The following ATP9B variants were observed in gnomAD, a reference collection of about 807,000 sequenced individuals.
ATP9B encodes ATPase phospholipid transporting 9B.
A neutral mutation model predicts 146.1 loss-of-function variants in ATP9B; 110 were observed. That is an observed-to-expected ratio of 0.75 (90% confidence interval 0.65 to 0.88). ATP9B has a LOEUF of 0.88. Among genes scored for constraint, ATP9B ranks in the 40% least tolerant of loss-of-function variants. ATP9B has a pLI of 0.00. For synonymous variants in ATP9B, 604 were observed against 569.7 expected (o/e 1.06, Z -0.86); for missense variants, 1,499 against 1,496.4 (o/e 1.00, Z -0.03).
At chr18:79,119,056 G>A (rs1599690152) in intron 4 of ATP9B, among the ~76,000 whole-genome samples, 1 of 149,720 alleles carries the variant, frequency 6.7e-6, no homozygotes, top group South Asian at 2.1e-4. Context: ...GGGTAACAGA[G>A]CGAGACCGTG....
intron 19 of ATP9B, 52 bp downstream of exon 19, chr18:79,337,501 G>A: frequency 6.4e-7 from 1 of 1,574,748 alleles, no homozygotes; most frequent in Non-Finnish European, 8.6e-7. Context: ...GAAGCAAACA[G>A]TGCTTTTCCT....
At chr18:79,164,490 C>T (rs1297534127) in intron 7 of ATP9B, among the ~76,000 whole-genome samples, 2 of 151,958 alleles carry the variant, frequency 1.3e-5, no homozygotes, top group East Asian at 1.9e-4. Flanking sequence ...CCGAGGCAGG[C>T]GGATCACGAG....
At chr18:79,195,496 A>G (rs1279708058) in intron 9 of ATP9B, among the ~76,000 whole-genome samples, 1 of 152,188 alleles carries the variant, frequency 6.6e-6, no homozygotes, top group East Asian at 1.9e-4. Flanking sequence ...AAGGAAAGAA[A>G]AAACCTCAAT....
At chr18:79,201,731 A>G (rs1324625168) in intron 9 of ATP9B, among the ~76,000 whole-genome samples, 1 of 151,864 alleles carries the variant, frequency 6.6e-6, no homozygotes, top group Non-Finnish European at 1.5e-5. Context: ...CACCAAGCCC[A>G]GCTAATTTTT....
chr18:79,119,849 T>C (rs2094157958), intron 4 of ATP9B, among the ~76,000 whole-genome samples: 1 of 152,214 alleles, frequency 6.6e-6, no homozygotes, highest in Non-Finnish European at 1.5e-5. Context: ...AAAGTTGATG[T>C]ACACCTTAGG....
At chr18:79,104,500 T>C (rs1010228051) in intron 2 of ATP9B, among the ~76,000 whole-genome samples, 1 of 152,202 alleles carries the variant, frequency 6.6e-6, no homozygotes, top group Non-Finnish European at 1.5e-5. Flanking sequence ...GACTTTAGAA[T>C]GTTCTCAGTC....
At chr18:79,230,758 T>C (rs1189627363) in intron 11 of ATP9B, among the ~76,000 whole-genome samples, 1 of 151,674 alleles carries the variant, frequency 6.6e-6, no homozygotes, top group Non-Finnish European at 1.5e-5. Context: ...AGAGCTCGCA[T>C]AGCCAAAGCA....
intron 13 of ATP9B, among the ~76,000 whole-genome samples, chr18:79,286,314 T>A (rs1203696176): frequency 1.3e-4 from 20 of 152,160 alleles, no homozygotes; most frequent in Non-Finnish European, 2.8e-4. Context: ...TTTGTAGTTC[T>A]CCTTGAAGAA....
intron 11 of ATP9B, among the ~76,000 whole-genome samples, chr18:79,226,339 T>C (rs1403082378): frequency 6.6e-6 from 1 of 152,256 alleles, no homozygotes; most frequent in Non-Finnish European, 1.5e-5. Flanking sequence ...TTCTGCACTC[T>C]TGGTGCTTGG....
chr18:79,078,761 A>G (rs1196781665), intron 1 of ATP9B, among the ~76,000 whole-genome samples: 1 of 151,582 alleles, frequency 6.6e-6, no homozygotes, highest in Non-Finnish European at 1.5e-5. Context: ...TGCTGCACCT[A>G]TCAACCCATC....
intron 26 of ATP9B, chr18:79,363,607 G>A (rs1353383899): frequency 6.6e-6 from 1 of 152,312 alleles, no homozygotes; most frequent in Admixed American, 6.5e-5. Flanking sequence ...CATGGTTTGA[G>A]AGACGTAAAC....
intron 11 of ATP9B, among the ~76,000 whole-genome samples, chr18:79,242,501 T>G (rs929963129): frequency 6.6e-6 from 1 of 152,248 alleles, no homozygotes. Context: ...TATTAGCTAC[T>G]TCCTTTTACA....
At position 79,330,074 on chromosome 18, in the gene ATP9B, C is replaced by T. The variant is rs780788902; in HGVS notation, c.1998C>T (p.Ile666=). The change falls in exon 17 of 30, where the codon ATC becomes ATT. Residue 666 remains isoleucine (I), a synonymous_variant. Transcript: ENST00000426216. ...MKGADVAMSP[I]VQYNDWLEEE... ...GCGCTGACGTGGCCATGTCTCCTATCGTGCAGTATAATGACTGGCTGGAAG... is the reference window on the plus strand; with the variant it reads ...GCGCTGACGTGGCCATGTCTCCTATTGTGCAGTATAATGACTGGCTGGAAG... 1.6e-5 allele frequency: 26 copies of T among 1,614,062 alleles called. No individual in the cohort carries two copies. The highest frequency in any genetic ancestry group is 1.9e-5 in the Non-Finnish European group (22 of 1,180,022).
At chr18:79,178,820 G>C (rs1329221548) in intron 8 of ATP9B, among the ~76,000 whole-genome samples, 1 of 152,170 alleles carries the variant, frequency 6.6e-6, no homozygotes, top group African/African-American at 2.4e-5. Flanking sequence ...ATATGGATCT[G>C]TATTGCTTTT....
rs866486692 is a variant in ATP9B at position 79,246,000 on chromosome 18, C to A, written c.1108-7381C>A. On this transcript the variant is annotated intron_variant, in intron 11 of 29. Coordinates refer to ENST00000426216, the MANE Select transcript of ATP9B (RefSeq NM_198531.5). The stretch of plus-strand genomic sequence containing the variant: ...GGAGGGCACCGCCCTACTGTCTGTG[C>A]GGAGGGCACCGCCCTACTGACTGAG... Among the ~76,000 whole-genome samples the A allele has an allele frequency of 5.3e-4, 62 of 116,754 alleles. 1 individual carries two copies. The highest frequency in any genetic ancestry group is 2.2e-3 in the African/African-American group (57 of 25,538). 76.6% of individuals were successfully genotyped at this position (116,754 alleles called of 152,430 possible).
chr18:79,288,327 A>G (rs2096465369), intron 13 of ATP9B, among the ~76,000 whole-genome samples: 1 of 151,924 alleles, frequency 6.6e-6, no homozygotes, highest in African/African-American at 2.4e-5. Flanking sequence ...TATATTTAGG[A>G]TAGTTAGCTC....
intron 1 of ATP9B, among the ~76,000 whole-genome samples, chr18:79,077,216 T>G (rs1391071779): frequency 6.6e-6 from 1 of 152,186 alleles, no homozygotes; most frequent in African/African-American, 2.4e-5. Flanking sequence ...GGGTATTATG[T>G]TATGAGATTT....
intron 15 of ATP9B, among the ~76,000 whole-genome samples, chr18:79,323,764 C>T (rs2096729092): frequency 6.6e-6 from 1 of 152,182 alleles, no homozygotes; most frequent in Admixed American, 6.5e-5. Flanking sequence ...CCGCAGTACA[C>T]GTAGGGGTGC....
At chr18:79,083,345 G>T (rs151018093) in intron 1 of ATP9B, among the ~76,000 whole-genome samples, 1 of 152,194 alleles carries the variant, frequency 6.6e-6, no homozygotes, top group Non-Finnish European at 1.5e-5. Context: ...GCTGGGCTCC[G>T]TGGGGGTGGG....
Sources: allele counts gnomAD v4.1 joint callset (sites outside exome capture counted in the v4.1 genomes callset), GRCh38; gene constraint gnomAD v4.1.1; transcripts MANE v1.5; gene names NCBI Gene and HGNC (gene_info 2026-07-23, HGNC 2026-07-21).